Variants in ZSWIM7 observed in about 807,000 individuals in gnomAD.
ZSWIM7 encodes zinc finger SWIM domain-containing protein 7.
A neutral mutation model predicts 21.1 loss-of-function variants in ZSWIM7; 22 were observed. That is an observed-to-expected ratio of 1.04 (90% CI 0.74 to 1.49). ZSWIM7 has a LOEUF of 1.49. ZSWIM7 is among the 40% of genes most tolerant of loss of function. The probability of loss-of-function intolerance (pLI) is 0.00; values close to 1 mark genes in which losing one functional copy is unlikely to be tolerated. For synonymous variants in ZSWIM7, 67 were observed against 66.5 expected (o/e 1.01, Z -0.04); for missense variants, 193 against 168.0 (o/e 1.15, Z -0.82).
Position 15,987,469 on chromosome 17 carries a change from T to G in ZSWIM7, c.99-101A>C, listed in dbSNP as rs1377871481. On this transcript the variant is annotated intron_variant, in intron 2 of 4. Coordinates refer to ENST00000399277, the MANE Select transcript of ZSWIM7 (RefSeq NM_001042697.2). ...AGACTTAGTATTTTTTAAAAATTCA[T>G]TTTAATTTTGAAAAAAGGAAAATAA... 4 of 1,057,270 alleles carry G rather than the reference T, an allele frequency of 3.8e-6. No individual in the cohort carries two copies. In the Admixed American group the frequency reaches 8.1e-5, roughly 21 times the overall value. 65.5% of individuals were successfully genotyped at this position (1,057,270 alleles called of 1,614,324 possible).
chr17:15,996,819 C>G (rs916039887), intron 1 of ZSWIM7, among the ~76,000 whole-genome samples: 1 of 151,254 alleles, frequency 6.6e-6, no homozygotes, highest in Non-Finnish European at 1.5e-5. Flanking sequence ...CCACTGCACT[C>G]CAGCCTGGGT....
chr17:15,988,295 C>A (rs1049911444), intron 2 of ZSWIM7, among the ~76,000 whole-genome samples: 5 of 151,960 alleles, frequency 3.3e-5, no homozygotes, highest in Non-Finnish European at 7.4e-5. Context: ...GGCATGTTGA[C>A]GGACATTTAT....
At chr17:15,992,257 A>AT (rs1174544513) in intron 2 of ZSWIM7, among the ~76,000 whole-genome samples, 2 of 152,088 alleles carry the variant, frequency 1.3e-5, no homozygotes. Flanking sequence ...TGTATCAGTA[A>AT]TTAAGTATTA....
rs773396303 is a variant in ZSWIM7 at position 15,981,089 on chromosome 17, G to A, written c.257C>T (p.Ser86Leu). The change falls in exon 4 of 5, where the codon TCA (serine) becomes TTA (leucine). Residue 86 changes from serine to leucine, a missense_variant. Transcript: ENST00000399277. ...YTCLASCHYC[S>L]CPAFAFSVLR... Reference sequence around the variant, plus strand: ...CACTGAGAATGCAAATGCAGGACATGAACAGTAATGACAAGAAGCCAAACA... The same window carrying A: ...CACTGAGAATGCAAATGCAGGACATAAACAGTAATGACAAGAAGCCAAACA... 1.9e-6 allele frequency: 3 copies of A among 1,613,870 alleles called. No individual in the cohort carries two copies. The highest frequency in any genetic ancestry group is 2.2e-5 in the South Asian group (2 of 91,016).
At chr17:15,992,746 A>C (rs1446957216) in intron 2 of ZSWIM7, among the ~76,000 whole-genome samples, 1 of 152,198 alleles carries the variant, frequency 6.6e-6, no homozygotes, top group Non-Finnish European at 1.5e-5. Context: ...GCCAACAGCC[A>C]CAATTTTTAA....
At chr17:15,998,566 A>G (rs557930349) in intron 1 of ZSWIM7, among the ~76,000 whole-genome samples, 4 of 152,148 alleles carry the variant, frequency 2.6e-5, no homozygotes, top group Non-Finnish European at 4.4e-5. Flanking sequence ...CATTTTGAGT[A>G]TATCAAATTT....
At chr17:15,981,498 A>T (rs890808901) in intron 3 of ZSWIM7, among the ~76,000 whole-genome samples, 42 of 151,430 alleles carry the variant, frequency 2.8e-4, no homozygotes, top group African/African-American at 1.0e-3. Context: ...TCTACATTTT[A>T]TTGTGGGGGT....
Position 15,993,348 on chromosome 17 carries a change from T to TTTTATTTATTTA in ZSWIM7, c.98+397_98+408dup, listed in dbSNP as rs149424883. Among the ~76,000 whole-genome samples, 685 of 142,434 alleles carry TTTTATTTATTTA rather than the reference T, an allele frequency of 4.8e-3. 3 individuals are homozygous for TTTTATTTATTTA. The highest frequency in any genetic ancestry group is 0.016 in the East Asian group (82 of 5,048). The allele number at this position is 142,434 out of a possible 152,430, so 93.4% of individuals were successfully genotyped here. A position where few individuals can be genotyped will look rare whatever the true frequency, so the allele number is the denominator to read the frequency against. On this transcript the variant is annotated intron_variant, in intron 2 of 4. Coordinates refer to ENST00000399277, the MANE Select transcript of ZSWIM7 (RefSeq NM_001042697.2). ...GTAGTAAGAATATTTTTATTTTTTA[T>TTTTATTTATTTA]TTTATTTATTTATTTATTTATTTAT...
In ZSWIM7 at chr17:15,977,184, T is replaced by C. The variant is rs1970287824; in HGVS notation, c.*863A>G. On this transcript the variant is annotated 3_prime_UTR_variant, in exon 5 of 5. Coordinates refer to ENST00000399277, the MANE Select transcript of ZSWIM7 (RefSeq NM_001042697.2). ...ACAATACAGTCTACTTAAGCTGTTT[T>C]GGCACAAGCATCACAGATATTTGAA... 1 of 152,210 alleles carries C rather than the reference T, an allele frequency of 6.6e-6. No individual in the cohort carries two copies. Among genetic ancestry groups the C allele is most frequent in the African/African-American group, 2.4e-5 (1 of 41,448 alleles). 9.4% of individuals were successfully genotyped at this position (152,210 alleles called of 1,614,324 possible). A position where few individuals can be genotyped will look rare whatever the true frequency, so the allele number is the denominator to read the frequency against.
chr17:15,990,408 C>T (rs1024459649), intron 2 of ZSWIM7, among the ~76,000 whole-genome samples: 4 of 151,640 alleles, frequency 2.6e-5, no homozygotes, highest in East Asian at 1.9e-4. Context: ...TGCAGTGGCA[C>T]GACCTCTGCT....
chr17:15,993,419 T>G (rs1478753891), intron 2 of ZSWIM7, among the ~76,000 whole-genome samples: 3 of 151,878 alleles, frequency 2.0e-5, no homozygotes, highest in Non-Finnish European at 4.4e-5. Flanking sequence ...CAGGCTGAAG[T>G]GCAGTGGCAT....
At chr17:15,995,131 A>T (rs1970533023) in intron 1 of ZSWIM7, among the ~76,000 whole-genome samples, 1 of 152,128 alleles carries the variant, frequency 6.6e-6, no homozygotes, top group Non-Finnish European at 1.5e-5. Flanking sequence ...GAAAAAGGGA[A>T]TCTTCTGAAA....
At chr17:15,985,314 A>G (rs1970396604) in intron 3 of ZSWIM7, among the ~76,000 whole-genome samples, 1 of 152,112 alleles carries the variant, frequency 6.6e-6, no homozygotes, top group South Asian at 2.1e-4. Flanking sequence ...AAAAAAAAAA[A>G]AAAAAAATTA....
At chr17:15,982,374 T>C (rs1230565327) in intron 3 of ZSWIM7, among the ~76,000 whole-genome samples, 1 of 152,236 alleles carries the variant, frequency 6.6e-6, no homozygotes, top group Non-Finnish European at 1.5e-5. Flanking sequence ...GGTGATTTTA[T>C]AATGAACTGC....
chr17:15,997,235 G>C (rs1970566258), intron 1 of ZSWIM7, among the ~76,000 whole-genome samples: 1 of 151,720 alleles, frequency 6.6e-6, no homozygotes, highest in African/African-American at 2.4e-5. Context: ...CAAAGATACA[G>C]AGAATTCCCA....
intron 1 of ZSWIM7, 102 bp from the exon 2 acceptor site, chr17:15,993,880 A>G: frequency 1.2e-6 from 1 of 814,208 alleles, no homozygotes; most frequent in Non-Finnish European, 2.0e-6. Context: ...TCCGTGTGTG[A>G]TGGTCAACTG....
chr17:15,999,520 T>G lies in ZSWIM7; in HGVS notation c.75A>C (p.Arg25=). ...CCACACACGACCTCGGTCCCGTACTTCGCGCGCTCTCCTGCACCGCCGCCG... is the reference window on the plus strand; with the variant it reads ...CCACACACGACCTCGGTCCCGTACTGCGCGCGCTCTCCTGCACCGCCGCCG... ...EMAAAVQESA[R]IPDEYLLSLK... Residue 25 remains arginine (R), a splice_region_variant and synonymous_variant, in exon 1 of 5, where the codon CGA becomes CGC. Coordinates refer to ENST00000399277, the MANE Select transcript of ZSWIM7 (RefSeq NM_001042697.2). 6.2e-7 allele frequency: 1 copy of G among 1,600,030 alleles called. No individual in the cohort carries two copies.
At chr17:15,981,811 G>C (rs1970359371) in intron 3 of ZSWIM7, among the ~76,000 whole-genome samples, 1 of 152,184 alleles carries the variant, frequency 6.6e-6, no homozygotes, top group African/African-American at 2.4e-5. Flanking sequence ...AGCTACTCAG[G>C]AGGCTGAGAA....
intron 1 of ZSWIM7, among the ~76,000 whole-genome samples, chr17:15,997,473 T>G: frequency 6.6e-6 from 1 of 152,234 alleles, no homozygotes; most frequent in South Asian, 2.1e-4. Flanking sequence ...ACCAAGATAG[T>G]TGTAACTCCA....
Sources: allele counts gnomAD v4.1 joint callset (sites outside exome capture counted in the v4.1 genomes callset), GRCh38; gene constraint gnomAD v4.1.1; transcripts MANE v1.5; gene names NCBI Gene and HGNC (gene_info 2026-07-23, HGNC 2026-07-21).